MDM2: variants seen among roughly 807,000 people sequenced by gnomAD.
MDM2 encodes the protein E3 ubiquitin-protein ligase Mdm2.
In MDM2, 11 loss-of-function variants were observed where a neutral mutation model predicts 64.3. The observed-to-expected ratio is 0.17, with a 90% CI of 0.11 to 0.28. MDM2 has a LOEUF of 0.28. Among genes scored for constraint, MDM2 ranks in the 10% least tolerant of loss-of-function variants. The probability of loss-of-function intolerance (pLI) is 1.00; values close to 1 mark genes in which losing one functional copy is unlikely to be tolerated. For missense variants in MDM2, 388 were observed against 577.1 expected, an observed-to-expected ratio of 0.67 and a Z score of 3.36; for synonymous variants, 194 against 192.9, an observed-to-expected ratio of 1.01 and a Z score of -0.05.
At chr12:68,826,647 T>TA (rs756911468) in intron 7 of MDM2, among the ~76,000 whole-genome samples, 2 of 91,474 alleles carry the variant, frequency 2.2e-5, no homozygotes, top group African/African-American at 8.1e-5. Context: ...AGACTCCCTC[T>TA]TAAAAAAAAA....
In MDM2 at chr12:68,820,336, C is replaced by T. The variant is rs2136128813; in HGVS notation, c.320C>T (p.Thr107Ile). ...TTTCTGTCTACAAGGAAAATATATA[C>T]CATGATCTACAGGAACTTGGTAGTA... ...FSVKEHRKIY[T>I]MIYRNLVVVN... The change falls in exon 5 of 11, where the codon ACC becomes ATC. Residue 107 changes from threonine (T) to isoleucine (I), a missense_variant. By Grantham distance (89) the Thr-to-Ile change is moderately conservative (BLOSUM62 -1). Around this residue, in one of 5 missense-constraint regions of MDM2, gnomAD observed 24 missense variants for 87.8 expected, o/e 0.27. Transcript: ENST00000258149. 8.8e-6 allele frequency: 14 copies of T among 1,596,456 alleles called. No homozygotes were observed. Among genetic ancestry groups the T allele is most frequent in the Non-Finnish European group, 1.1e-5 (13 of 1,170,824 alleles).
intron 6 of MDM2, 29 bp downstream of exon 6, chr12:68,824,459 G>T: frequency 1.2e-6 from 2 of 1,605,802 alleles, no homozygotes; most frequent in South Asian, 2.2e-5. Context: ...TCATTCTAAT[G>T]TAATATTATT....
intron 10 of MDM2, among the ~76,000 whole-genome samples, chr12:68,838,847 T>A (rs1347989041): frequency 6.6e-6 from 1 of 152,198 alleles, no homozygotes; most frequent in African/African-American, 2.4e-5. Flanking sequence ...TTTTTCAGGA[T>A]GGTAAGGGTG....
In MDM2 at chr12:68,809,359, G is replaced by C. The variant is rs1880658996; in HGVS notation, c.99+67G>C. On this transcript the variant is annotated intron_variant, in intron 2 of 10. Transcript: ENST00000258149. ...TTTATGAAGTGATAAACTAAATTTC[G>C]TATACCTCAATTGTAGCATGGCTCT... The C allele has an allele frequency of 2.9e-6, 4 of 1,364,834 alleles. No individual in the cohort carries two copies. In the Admixed American group the frequency reaches 5.1e-5, roughly 17 times the overall value. The allele number at this position is 1,364,834 out of a possible 1,614,324, so 84.5% of individuals were successfully genotyped here.
At position 68,840,171 on chromosome 12, in the gene MDM2, G is replaced by A. The variant is rs904761513; in HGVS notation, c.*322G>A. 1 of 255,284 alleles carries A rather than the reference G, an allele frequency of 3.9e-6. No individual in the cohort carries two copies. Among genetic ancestry groups the A allele is most frequent in the Non-Finnish European group, 7.5e-6 (1 of 133,110 alleles). 15.8% of individuals were successfully genotyped at this position (255,284 alleles called of 1,614,324 possible). ...AACTTATTATTTTTTTTGAGACCGA[G>A]TCTTGCTCTGTTACCCAGGCTGGAG... On this transcript the variant is annotated 3_prime_UTR_variant, in exon 11 of 11. Transcript: ENST00000258149.
chr12:68,824,451 A>G (rs2136138104), intron 6 of MDM2, 21 bp downstream of exon 6: 1 of 1,607,814 alleles, frequency 6.2e-7, no homozygotes, highest in East Asian at 2.2e-5. Flanking sequence ...TAAATTTCTC[A>G]TTCTAATGTA....
chr12:68,831,154 AT>A (rs1882761068), intron 8 of MDM2, among the ~76,000 whole-genome samples: 1 of 152,126 alleles, frequency 6.6e-6, no homozygotes, highest in East Asian at 1.9e-4. Context: ...TTTGAGTTGA[AT>A]TAGATAAAAC....
At position 68,813,443 on chromosome 12, in the gene MDM2, C is replaced by G; in HGVS notation, c.100-111C>G. On this transcript the variant is annotated intron_variant, in intron 2 of 10. Coordinates refer to ENST00000258149, the MANE Select transcript of MDM2 (RefSeq NM_002392.6). The stretch of plus-strand genomic sequence containing the variant: ...TACTTGCATAATGATTAGATCCTCC[C>G]CAGCATTTTTTCCAAATCCCCTTTA... 3 of 676,120 alleles carry G rather than the reference C, an allele frequency of 4.4e-6. No individual in the cohort carries two copies. The South Asian group carries it at 5.8e-5, about 13-fold the overall frequency. The allele number at this position is 676,120 out of a possible 1,614,324, so 41.9% of individuals were successfully genotyped here.
rs772554005 is a variant in MDM2 at position 68,809,288 on chromosome 12, C to A, written c.95C>A (p.Thr32Asn). The change falls in exon 2 of 11, where the codon ACC becomes AAC. Residue 32 changes from threonine (T) to asparagine (N), a missense_variant. Coordinates refer to ENST00000258149, the MANE Select transcript of MDM2 (RefSeq NM_002392.6). ...TSQIPASEQE[T>N]LVRPKPLLLK... ...CAGATTCCAGCTTCGGAACAAGAGA[C>A]CCTGGTTAGTATTTTTGTCTCGTGT... is the stretch of plus-strand genomic sequence containing the variant. 1.2e-6 allele frequency: 2 copies of A among 1,613,598 alleles called. No homozygotes were observed. The highest frequency in any genetic ancestry group is 1.1e-5 in the South Asian group (1 of 91,066).
chr12:68,841,748 C>T lies in MDM2; in HGVS notation c.*1899C>T. 4.9e-6 allele frequency: 1 copy of T among 205,198 alleles called. No homozygotes were observed. 12.7% of individuals were successfully genotyped at this position (205,198 alleles called of 1,614,324 possible). A position where few individuals can be genotyped will look rare whatever the true frequency, so the allele number is the denominator to read the frequency against. On this transcript the variant is annotated 3_prime_UTR_variant, in exon 11 of 11. Coordinates refer to ENST00000258149, the MANE Select transcript of MDM2 (RefSeq NM_002392.6). Reference sequence around the variant, plus strand: ...AAAGTTAATTCAGAAATTTGATAAACAGAATTGTTATTTAAAAACTAACTG... The same window carrying T: ...AAAGTTAATTCAGAAATTTGATAAATAGAATTGTTATTTAAAAACTAACTG...
chr12:68,811,132 T>A lies in MDM2; in HGVS notation c.99+1840T>A, dbSNP rs143974833. On this transcript the variant is annotated intron_variant, in intron 2 of 10. Transcript: ENST00000258149. ...TGCCTGCCTCGGCCTCCCAAAGTGC[T>A]GGGATTACAGGCGTGAATCACTGCA... is the stretch of plus-strand genomic sequence containing the variant. Among the ~76,000 whole-genome samples, 3 of 152,358 alleles carry A rather than the reference T, an allele frequency of 2.0e-5. No homozygotes were observed. The East Asian group carries it at 5.8e-4, about 29-fold the overall frequency.
downstream of MDM2, chr12:68,846,354 T>G (rs530525579): frequency 2.4e-4 from 37 of 152,318 alleles, no homozygotes; most frequent in African/African-American, 8.9e-4. Context: ...CCCAAAGTGC[T>G]GAGATTACAG....
chr12:68,817,075 T>C (rs1205014905), intron 4 of MDM2, 130 bp downstream of exon 4: 5 of 1,049,168 alleles, frequency 4.8e-6, no homozygotes, highest in Non-Finnish European at 6.7e-6. Context: ...CTTAATTTTT[T>C]AGCTCTGCGG....
intron 4 of MDM2, among the ~76,000 whole-genome samples, chr12:68,819,725 G>A (rs980312406): frequency 6.6e-6 from 1 of 152,176 alleles, no homozygotes; most frequent in Non-Finnish European, 1.5e-5. Flanking sequence ...TCCAGGCCTC[G>A]GGTGATCTGC....
Position 68,841,212 on chromosome 12 carries a change from A to G in MDM2, c.*1363A>G, listed in dbSNP as rs2136183379. 1 of 189,950 alleles carries G rather than the reference A, an allele frequency of 5.3e-6. No homozygotes were observed. The allele number at this position is 189,950 out of a possible 1,614,324, so 11.8% of individuals were successfully genotyped here. On this transcript the variant is annotated 3_prime_UTR_variant, in exon 11 of 11. Transcript: ENST00000258149. ...CCAAAATACTCTTTCTAGGTTAAAA[A>G]AAAAAAGGCTCTTATATTTGGTGCT...
At chr12:68,836,123 GT>G in intron 9 of MDM2, 139 bp downstream of exon 9, 1 of 717,536 alleles carries the variant, frequency 1.4e-6, no homozygotes, top group South Asian at 2.7e-5. Context: ...TAACACATTG[GT>G]TTGTGGACTT....
rs1041843416 is a variant in MDM2 at position 68,841,540 on chromosome 12, A to G, written c.*1691A>G. On this transcript the variant is annotated 3_prime_UTR_variant, in exon 11 of 11. Coordinates refer to ENST00000258149, the MANE Select transcript of MDM2 (RefSeq NM_002392.6). Reference sequence around the variant, plus strand: ...GCCTCCTGAGTCTAACCTAGATTACATCAGGCCCTTTTTCACACACAAAAA... The same window carrying G: ...GCCTCCTGAGTCTAACCTAGATTACGTCAGGCCCTTTTTCACACACAAAAA... 4.8e-6 allele frequency: 1 copy of G among 210,294 alleles called. No homozygotes were observed. The highest frequency in any genetic ancestry group is 1.9e-4 in the South Asian group (1 of 5,360). 13.0% of individuals were successfully genotyped at this position (210,294 alleles called of 1,614,324 possible).
intron 8 of MDM2, among the ~76,000 whole-genome samples, chr12:68,829,524 C>T (rs1233244614): frequency 1.3e-5 from 2 of 151,990 alleles, no homozygotes; most frequent in East Asian, 3.9e-4. Context: ...TCAGTACTTT[C>T]GGAGGCTGAG....
intron 5 of MDM2, chr12:68,824,130 AAC>A (rs3215091): frequency 0.36 from 167,195 of 470,938 alleles, 32,815 homozygotes; most frequent in South Asian, 0.52. Flanking sequence ...TAATTTATCT[AAC>A]AGTCTTTTAA....
Sources: gnomAD v4.1 joint callset for allele counts (sites outside exome capture counted in the v4.1 genomes callset) on GRCh38, gnomAD v4.1.1 for gene constraint, gnomAD v4.1.1 regional missense constraint, MANE v1.5 for transcripts, NCBI Gene and HGNC (gene_info 2026-07-23, HGNC 2026-07-21) for gene names.